The following LTBP1 variants were observed in gnomAD, a reference collection of about 807,000 sequenced individuals.
LTBP1 encodes latent-transforming growth factor beta-binding protein 1.
LTBP1 carries 129 observed loss-of-function variants against 207.6 expected under a neutral mutation model. The observed-to-expected ratio is 0.62, with a 90% CI of 0.54 to 0.72. The LOEUF is 0.72. Among genes scored for constraint, LTBP1 ranks in the 30% least tolerant of loss-of-function variants. The pLI, the probability that LTBP1 is intolerant of heterozygous loss-of-function variation, is 0.00. For missense variants in LTBP1, 2,281 were observed against 2,217.2 expected, an observed-to-expected ratio of 1.03 and a Z score of -0.58; for synonymous variants, 963 against 833.7, an observed-to-expected ratio of 1.16 and a Z score of -2.67.
rs17012647 is a variant in LTBP1, at chr2:33,190,182, G to A, written c.1701+1331G>A. On this transcript the variant is annotated intron_variant, in intron 7 of 33. Coordinates refer to ENST00000404816, the MANE Select transcript of LTBP1 (RefSeq NM_206943.4). ...TGTGCATAGCGAAGACAACCTAAAA[G>A]CGTTGGTTCCTCCACTCCATTATGT... is the stretch of plus-strand genomic sequence containing the variant. Among the ~76,000 whole-genome samples, 1,375 of 152,246 alleles carry A rather than the reference G, an allele frequency of 9.0e-3. 21 individuals carry two copies. The highest frequency in any genetic ancestry group is 0.032 in the African/African-American group (1,312 of 41,536).
At position 33,345,261 on chromosome 2, in the gene LTBP1, C is replaced by A. The variant is rs1250855301; in HGVS notation, c.3857-2106C>A. Reference sequence around the variant, plus strand: ...TTCACTGAGCTCTGAACTTTTCACTCCTCACACTCACTGAAGCATGTACAA... The same window carrying A: ...TTCACTGAGCTCTGAACTTTTCACTACTCACACTCACTGAAGCATGTACAA... On this transcript the variant is annotated intron_variant, in intron 25 of 33. Transcript: ENST00000404816. Among the ~76,000 whole-genome samples the A allele has an allele frequency of 2.6e-5, 4 of 152,192 alleles. No individual in the cohort carries two copies. The South Asian group carries it at 8.3e-4, about 32-fold the overall frequency.
At chr2:33,393,774 C>A (rs1350952257) in intron 32 of LTBP1, among the ~76,000 whole-genome samples, 1 of 152,138 alleles carries the variant, frequency 6.6e-6, no homozygotes. Flanking sequence ...GTCTTTATAG[C>A]AGCATGATTT....
intron 31 of LTBP1, among the ~76,000 whole-genome samples, chr2:33,374,171 G>A (rs1013042528): frequency 2.6e-5 from 4 of 152,138 alleles, no homozygotes; most frequent in African/African-American, 9.7e-5. Context: ...CAGCAGTCAC[G>A]GTTTAAAGGC....
At chr2:33,322,611 G>A (rs1251212327) in intron 24 of LTBP1, among the ~76,000 whole-genome samples, 1 of 152,130 alleles carries the variant, frequency 6.6e-6, no homozygotes, top group Non-Finnish European at 1.5e-5. Flanking sequence ...TACAAGCCAG[G>A]CACTATGCTA....
intron 3 of LTBP1, among the ~76,000 whole-genome samples, chr2:33,109,491 A>G (rs1057374100): frequency 6.6e-5 from 10 of 152,196 alleles, no homozygotes; most frequent in African/African-American, 2.4e-4. Context: ...CCTCTTCCTC[A>G]GGGAATAACT....
In LTBP1 at chr2:33,259,599, C is replaced by A. The variant is rs61754245; in HGVS notation, c.2407C>A (p.Pro803Thr). Residue 803 changes from proline to threonine, a missense_variant, in exon 13 of 34, where the codon CCC becomes ACC. Around this residue, in one of 3 missense-constraint regions of LTBP1, gnomAD observed 1,671 missense variants for 1,634.8 expected, o/e 1.02. Transcript: ENST00000404816. ...TTTTCTGGTTTTAGTGGCAACTGCACCCCCTGAAAAGGTAATTTATTCATT... is the reference window on the plus strand; with the variant it reads ...TTTTCTGGTTTTAGTGGCAACTGCAACCCCTGAAAAGGTAATTTATTCATT... ...GVAEPEVATA[P>T]PEKEIPSLDQ... The A allele has an allele frequency of 3.1e-6, 5 of 1,602,394 alleles. No homozygotes were observed. Among genetic ancestry groups the A allele is most frequent in the South Asian group, 1.1e-5 (1 of 88,636 alleles).
chr2:33,393,234 CTTTTTTTTTTTTTT>C lies in LTBP1; in HGVS notation c.4835-3887_4835-3874del. Among the ~76,000 whole-genome samples the C allele has an allele frequency of 4.1e-5, 2 of 48,744 alleles. 1 individual carries two copies. The highest frequency in any genetic ancestry group is 7.6e-5 in the Non-Finnish European group (2 of 26,226). 32.0% of individuals were successfully genotyped at this position (48,744 alleles called of 152,430 possible). ...TAGTGTCTGTTGTTTCCTTCTTCTT[CTTTTTTTTTTTTTT>C]TTTTTTTTTTTGTGGTATTTGGTTA... On this transcript the variant is annotated intron_variant, in intron 32 of 33. Coordinates refer to ENST00000404816, the MANE Select transcript of LTBP1 (RefSeq NM_206943.4).
intron 9 of LTBP1, among the ~76,000 whole-genome samples, chr2:33,234,354 A>G (rs2149608226): frequency 6.6e-6 from 1 of 152,274 alleles, no homozygotes; most frequent in East Asian, 1.9e-4. Context: ...GTGGGCATAA[A>G]GATGAAACTT....
chr2:33,289,538 A>T (rs1007763355), intron 19 of LTBP1, among the ~76,000 whole-genome samples: 6 of 151,942 alleles, frequency 3.9e-5, no homozygotes, highest in South Asian at 2.1e-4. Context: ...TTAAAAAAAA[A>T]ATTTGTGTGT....
chr2:33,396,751 C>T (rs889213873), intron 32 of LTBP1, among the ~76,000 whole-genome samples: 6 of 152,158 alleles, frequency 3.9e-5, no homozygotes, highest in South Asian at 2.1e-4. Context: ...TACTAGACTC[C>T]GATAGTGAAT....
In LTBP1 at chr2:33,343,037, C is replaced by G. The variant is rs866951264; in HGVS notation, c.3856+74C>G. On this transcript the variant is annotated intron_variant, in intron 25 of 33. Coordinates refer to ENST00000404816, the MANE Select transcript of LTBP1 (RefSeq NM_206943.4). ...AAGAAATCACAGTGAACAACAGGAG[C>G]TTTTAAGCAGGTAATTTGGGTAGAG... The G allele has an allele frequency of 2.0e-6, 3 of 1,492,812 alleles. No individual in the cohort carries two copies. The African/African-American group carries it at 4.2e-5, about 21-fold the overall frequency. 92.5% of individuals were successfully genotyped at this position (1,492,812 alleles called of 1,614,324 possible).
chr2:33,089,324 G>A (rs1043111345), intron 3 of LTBP1, among the ~76,000 whole-genome samples: 15 of 152,068 alleles, frequency 9.9e-5, no homozygotes, highest in South Asian at 2.1e-4. Context: ...TTTATTTTCC[G>A]TTCTCATTAG....
At chr2:33,161,888 C>T (rs558667366) in intron 5 of LTBP1, among the ~76,000 whole-genome samples, 1 of 152,266 alleles carries the variant, frequency 6.6e-6, no homozygotes, top group South Asian at 2.1e-4. Flanking sequence ...ATACAGTTCT[C>T]ATTTAACTCT....
intron 8 of LTBP1, among the ~76,000 whole-genome samples, chr2:33,219,995 T>A (rs977277165): frequency 1.3e-5 from 2 of 152,214 alleles, no homozygotes; most frequent in African/African-American, 2.4e-5. Context: ...AAGGACTTAG[T>A]TGAATGTGAA....
chr2:33,354,565 CT>C (rs1165021594), intron 26 of LTBP1, among the ~76,000 whole-genome samples: 1 of 151,852 alleles, frequency 6.6e-6, no homozygotes, highest in Non-Finnish European at 1.5e-5. Flanking sequence ...AGCCAAACTG[CT>C]TTTTTAAGAT....
At chr2:33,313,315 G>A (rs2094213896) in intron 23 of LTBP1, among the ~76,000 whole-genome samples, 1 of 152,226 alleles carries the variant, frequency 6.6e-6, no homozygotes, top group Non-Finnish European at 1.5e-5. Context: ...GAAGGCTAAA[G>A]AGTTCAAGAT....
At chr2:32,956,876 CATGAAA>C (rs959027801) in intron 2 of LTBP1, among the ~76,000 whole-genome samples, 7 of 152,200 alleles carry the variant, frequency 4.6e-5, no homozygotes, top group African/African-American at 1.2e-4. Flanking sequence ...TTTTAGCAGG[CATGAAA>C]ATGACGTTAA....
At chr2:33,244,046 T>G (rs774535440) in intron 10 of LTBP1, among the ~76,000 whole-genome samples, 1 of 152,184 alleles carries the variant, frequency 6.6e-6, no homozygotes, top group Non-Finnish European at 1.5e-5. Context: ...CGAGGAAATA[T>G]GCTTTGATGA....
At chr2:33,054,248 G>T (rs1157370317) in intron 3 of LTBP1, among the ~76,000 whole-genome samples, 1 of 152,220 alleles carries the variant, frequency 6.6e-6, no homozygotes, top group African/African-American at 2.4e-5. Context: ...TAGAATTGGG[G>T]TGTTGCAGGG....
Sources: allele counts gnomAD v4.1 joint callset (sites outside exome capture counted in the v4.1 genomes callset), GRCh38; gene constraint gnomAD v4.1.1; regional missense constraint gnomAD v4.1.1; transcripts MANE v1.5; gene names NCBI Gene and HGNC (gene_info 2026-07-23, HGNC 2026-07-21).